DYNC2H1: variants seen among roughly 807,000 people sequenced by gnomAD.
The protein encoded by DYNC2H1 is cytoplasmic dynein 2 heavy chain 1.
DYNC2H1 carries 410 observed loss-of-function variants against 570.0 expected under a neutral mutation model. The ratio of observed to expected loss-of-function variants is 0.72; its 90% confidence interval spans 0.66 to 0.78. DYNC2H1 has a LOEUF of 0.78. Among genes scored for constraint, DYNC2H1 ranks in the 30% least tolerant of loss-of-function variants. DYNC2H1 has a pLI of 0.00. For missense variants in DYNC2H1, 4,865 were observed against 5,046.4 expected (o/e 0.96, Z 1.09); for synonymous variants, 1,688 against 1,677.6 (o/e 1.01, Z -0.15).
chr11:103,112,065 A>G (rs1255363151), intron 1 of DYNC2H1, among the ~76,000 whole-genome samples: 1 of 152,216 alleles, frequency 6.6e-6, no homozygotes, highest in Non-Finnish European at 1.5e-5. Context: ...AACTAAAGAT[A>G]TATAGGGTGG....
chr11:103,301,045 T>C (rs1178395056), intron 75 of DYNC2H1, among the ~76,000 whole-genome samples: 1 of 151,930 alleles, frequency 6.6e-6, no homozygotes, highest in African/African-American at 2.4e-5. Context: ...ACACTAATCA[T>C]TGTTAACGTT....
chr11:103,271,956 T>TA (rs1311254256), intron 70 of DYNC2H1, among the ~76,000 whole-genome samples: 3 of 152,122 alleles, frequency 2.0e-5, no homozygotes, highest in Admixed American at 2.0e-4. Context: ...GAAATAGGAA[T>TA]GCTTTTACAC....
intron 72 of DYNC2H1, among the ~76,000 whole-genome samples, chr11:103,282,463 T>C (rs1490282072): frequency 2.0e-5 from 3 of 152,038 alleles, no homozygotes; most frequent in Admixed American, 2.0e-4. Flanking sequence ...TAATGCAGTT[T>C]CTTTTTCTCA....
At position 103,163,210 on chromosome 11, in the gene DYNC2H1, A is replaced by G; in HGVS notation, c.4611+63A>G. Reference sequence around the variant, plus strand: ...AACGTGGAAAGATCCCTGACCTAGAAGCCAGGAGGCTCAGATAAATCGCAT... The same window carrying G: ...AACGTGGAAAGATCCCTGACCTAGAGGCCAGGAGGCTCAGATAAATCGCAT... On this transcript the variant is annotated intron_variant, in intron 30 of 88. Coordinates refer to ENST00000375735, the MANE Select transcript of DYNC2H1 (RefSeq NM_001377.3). The surrounding 1 kb of genome is among the most constrained non-coding windows in gnomAD (Gnocchi z 4.6). 6.6e-7 allele frequency: 1 copy of G among 1,523,256 alleles called. No individual in the cohort carries two copies. Among genetic ancestry groups the G allele is most frequent in the Non-Finnish European group, 8.8e-7 (1 of 1,132,280 alleles). The allele number at this position is 1,523,256 out of a possible 1,614,324, so 94.4% of individuals were successfully genotyped here. A position where few individuals can be genotyped will look rare whatever the true frequency, so the allele number is the denominator to read the frequency against.
chr11:103,179,287 G>T (rs951137053), intron 39 of DYNC2H1, 54 bp downstream of exon 39: 3 of 1,516,496 alleles, frequency 2.0e-6, no homozygotes, highest in Non-Finnish European at 2.7e-6. Flanking sequence ...TTACTGTCCT[G>T]GTTTCATATT....
At chr11:103,294,866 G>C (rs969995089) in intron 75 of DYNC2H1, among the ~76,000 whole-genome samples, 2 of 152,166 alleles carry the variant, frequency 1.3e-5, no homozygotes, top group African/African-American at 4.8e-5. Flanking sequence ...GGAATCATAG[G>C]CTTCAGGAAT....
intron 82 of DYNC2H1, among the ~76,000 whole-genome samples, chr11:103,343,405 TA>T (rs1939576661): frequency 6.6e-6 from 1 of 151,950 alleles, no homozygotes; most frequent in African/African-American, 2.4e-5. Context: ...GTTTCTCCTA[TA>T]AGAATGATTT....
Position 103,219,927 on chromosome 11 carries a change from C to G in DYNC2H1, c.8845C>G (p.Gln2949Glu). 2 of 1,513,488 alleles carry G rather than the reference C, an allele frequency of 1.3e-6. No individual in the cohort carries two copies. Among genetic ancestry groups the G allele is most frequent in the Non-Finnish European group, 1.8e-6 (2 of 1,137,410 alleles). The allele number at this position is 1,513,488 out of a possible 1,614,324, so 93.8% of individuals were successfully genotyped here. A position where few individuals can be genotyped will look rare whatever the true frequency, so the allele number is the denominator to read the frequency against. ...AATATTCTTATAGGATGCTAGTGAG[C>G]AAAAAACAGAACTTGAAAGACTGAA... Reference protein sequence around the residue: ...ITVSMQDASEQKTELERLKHR... With the variant: ...ITVSMQDASEEKTELERLKHR... Residue 2949 changes from glutamine (Q) to glutamate (E), a missense_variant, in exon 56 of 89, where the codon CAA becomes GAA. By Grantham distance (29) the Gln-to-Glu change is conservative. Coordinates refer to ENST00000375735, the MANE Select transcript of DYNC2H1 (RefSeq NM_001377.3).
At position 103,479,351 on chromosome 11, in the gene DYNC2H1, C is replaced by T. The variant is rs1945672492; in HGVS notation, c.*98C>T. The T allele has an allele frequency of 7.4e-7, 1 of 1,347,792 alleles. No individual in the cohort carries two copies. The highest frequency in any genetic ancestry group is 1.5e-5 in the African/African-American group (1 of 68,434). 83.5% of individuals were successfully genotyped at this position (1,347,792 alleles called of 1,614,324 possible). A position where few individuals can be genotyped will look rare whatever the true frequency, so the allele number is the denominator to read the frequency against. On this transcript the variant is annotated 3_prime_UTR_variant, in exon 89 of 89. Coordinates refer to ENST00000375735, the MANE Select transcript of DYNC2H1 (RefSeq NM_001377.3). Reference sequence around the variant, plus strand: ...TCAGTCTACATTTGAAATGTTAGTTCAAAATATTAACATATAGTTATGTTG... The same window carrying T: ...TCAGTCTACATTTGAAATGTTAGTTTAAAATATTAACATATAGTTATGTTG...
At chr11:103,141,611 C>G (rs2134819542) in intron 17 of DYNC2H1, among the ~76,000 whole-genome samples, 1 of 152,320 alleles carries the variant, frequency 6.6e-6, no homozygotes, top group Non-Finnish European at 1.5e-5. Context: ...CAGTCTGCCC[C>G]TACTGGGGGG....
At chr11:103,214,252 T>C (rs1241671492) in intron 54 of DYNC2H1, among the ~76,000 whole-genome samples, 1 of 152,172 alleles carries the variant, frequency 6.6e-6, no homozygotes, top group Non-Finnish European at 1.5e-5. Context: ...TCAGGTAGTG[T>C]GATGCCTCTA....
Position 103,185,137 on chromosome 11 carries a change from T to G in DYNC2H1, c.6633+86T>G. The stretch of plus-strand genomic sequence containing the variant: ...GCCAAAACACAATGATTTGTAACTG[T>G]AAGATATGGAACTTTTAAAATTTGA... On this transcript the variant is annotated intron_variant, in intron 41 of 88. Transcript: ENST00000375735. The surrounding 1 kb of genome is among the most constrained non-coding windows in gnomAD (Gnocchi z 4.5). 1.6e-6 allele frequency: 2 copies of G among 1,273,714 alleles called. No individual in the cohort carries two copies. Among genetic ancestry groups the G allele is most frequent in the Non-Finnish European group, 2.1e-6 (2 of 935,564 alleles). The allele number at this position is 1,273,714 out of a possible 1,614,324, so 78.9% of individuals were successfully genotyped here.
At chr11:103,116,021 A>G (rs1350176828) in intron 4 of DYNC2H1, among the ~76,000 whole-genome samples, 3 of 152,190 alleles carry the variant, frequency 2.0e-5, no homozygotes, top group Admixed American at 6.5e-5. Context: ...CATTTTAAGT[A>G]TGAACATAAA....
At chr11:103,156,189 A>G (rs1213394384) in intron 25 of DYNC2H1, among the ~76,000 whole-genome samples, 199 bp from the exon 26 acceptor site, 1 of 151,728 alleles carries the variant, frequency 6.6e-6, no homozygotes, top group Non-Finnish European at 1.5e-5. Flanking sequence ...GAACCAGGAT[A>G]CTTAGTATCT....
In DYNC2H1 at chr11:103,181,155, A is replaced by G. The variant is rs1336457523; in HGVS notation, c.6348-602A>G. Among the ~76,000 whole-genome samples the G allele has an allele frequency of 6.6e-6, 1 of 151,656 alleles. No individual in the cohort carries two copies. The highest frequency in any genetic ancestry group is 1.9e-4 in the East Asian group (1 of 5,192). On this transcript the variant is annotated intron_variant, in intron 39 of 88. Coordinates refer to ENST00000375735, the MANE Select transcript of DYNC2H1 (RefSeq NM_001377.3). The surrounding 1 kb of genome is among the most constrained non-coding windows in gnomAD (Gnocchi z 5.0). ...TTATGTGCTTTGCTAAAGGAATTAT[A>G]GTTTGCTTTAGGAAGATCTTTAAAT...
At position 103,148,606 on chromosome 11, in the gene DYNC2H1, C is replaced by T. The variant is rs772439717; in HGVS notation, c.2935C>T (p.Arg979Trp). 1.9e-4 allele frequency: 295 copies of T among 1,565,296 alleles called. 1 individual carries two copies. Among genetic ancestry groups the T allele is most frequent in the Admixed American group, 3.6e-4 (19 of 53,194 alleles). ...TCTACAATATAGTAAGTTACAAGAA[C>T]GGAAGCCAGAGGTGAGAATCACAAA... The part of the protein sequence containing the change: ...ANLQYSKLQE[R>W]KPEILPLFQE... The change falls in exon 20 of 89, where the codon CGG becomes TGG. Residue 979 changes from arginine (R) to tryptophan (W), a missense_variant. Around this residue, in one of 5 missense-constraint regions of DYNC2H1, gnomAD observed 1,936 missense variants for 1,962.1 expected, o/e 0.99. Coordinates refer to ENST00000375735, the MANE Select transcript of DYNC2H1 (RefSeq NM_001377.3).
At chr11:103,354,329 T>C (rs921347568) in intron 82 of DYNC2H1, among the ~76,000 whole-genome samples, 1 of 152,126 alleles carries the variant, frequency 6.6e-6, no homozygotes, top group African/African-American at 2.4e-5. Context: ...TTTTTCTGTT[T>C]TGGAAAATTT....
intron 85 of DYNC2H1, among the ~76,000 whole-genome samples, chr11:103,443,632 T>C (rs1051039096): frequency 6.6e-6 from 1 of 151,118 alleles, no homozygotes; most frequent in Admixed American, 6.6e-5. Flanking sequence ...TGAAAATTAT[T>C]GGTAATCTAT....
At chr11:103,452,153 A>G (rs989702962) in intron 85 of DYNC2H1, among the ~76,000 whole-genome samples, 23 of 152,186 alleles carry the variant, frequency 1.5e-4, no homozygotes, top group African/African-American at 5.5e-4. Context: ...TTTCCCCAGC[A>G]TAATTGATTG....
Sources: gnomAD v4.1 joint callset for allele counts (sites outside exome capture counted in the v4.1 genomes callset) on GRCh38, gnomAD v4.1.1 for gene constraint, gnomAD v4.1.1 regional missense constraint, Gnocchi (gnomAD v3.1) non-coding constraint, MANE v1.5 for transcripts, NCBI Gene and HGNC (gene_info 2026-07-23, HGNC 2026-07-21) for gene names.